The following RAB3C variants were observed in gnomAD, a reference collection of about 807,000 sequenced individuals.
The protein encoded by RAB3C is ras-related protein Rab-3C.
In RAB3C, 17 loss-of-function variants were observed where a neutral mutation model predicts 26.4. The observed-to-expected ratio is 0.64, with a 90% confidence interval of 0.44 to 0.97. The LOEUF is 0.97. RAB3C is among the 50% of genes least tolerant of loss of function. The pLI is 0.00. For synonymous variants in RAB3C, 91 were observed against 95.9 expected, an observed-to-expected ratio of 0.95 and a Z score of 0.30; for missense variants, 242 against 281.9, an observed-to-expected ratio of 0.86 and a Z score of 1.01.
chr5:58,810,372 T>TCTCTCTCG (rs1554020138), intron 3 of RAB3C, among the ~76,000 whole-genome samples: 13 of 131,982 alleles, frequency 9.8e-5, no homozygotes, highest in South Asian at 2.7e-4. Flanking sequence ...GTGCTCTCTC[T>TCTCTCTCG]CTCTCTCTCT....
intron 2 of RAB3C, among the ~76,000 whole-genome samples, chr5:58,703,506 T>A (rs1748889368): frequency 6.6e-6 from 1 of 152,178 alleles, no homozygotes; most frequent in African/African-American, 2.4e-5. Flanking sequence ...GTAATCATAT[T>A]TCTGATGAAA....
chr5:58,710,738 T>C (rs1320296219), intron 2 of RAB3C, among the ~76,000 whole-genome samples: 1 of 152,134 alleles, frequency 6.6e-6, no homozygotes, highest in Non-Finnish European at 1.5e-5. Flanking sequence ...AGGCAGCCAT[T>C]TTATCCTCCT....
intron 3 of RAB3C, among the ~76,000 whole-genome samples, chr5:58,778,231 G>A (rs909670616): frequency 1.3e-5 from 2 of 152,102 alleles, no homozygotes; most frequent in African/African-American, 4.8e-5. Context: ...CATTAGCCAA[G>A]TTAGCAGATT....
At chr5:58,757,591 G>GCACAT (rs1475832449) in intron 3 of RAB3C, among the ~76,000 whole-genome samples, 1 of 150,882 alleles carries the variant, frequency 6.6e-6, no homozygotes, top group Non-Finnish European at 1.5e-5. Flanking sequence ...ACATCTGAAA[G>GCACAT]CACATCACGT....
intron 3 of RAB3C, among the ~76,000 whole-genome samples, chr5:58,806,003 A>G (rs1160139336): frequency 6.6e-6 from 1 of 152,190 alleles, no homozygotes; most frequent in Admixed American, 6.5e-5. Flanking sequence ...TGATGGGTAG[A>G]CAGATTCTTT....
chr5:58,807,805 G>A (rs1008390343), intron 3 of RAB3C, among the ~76,000 whole-genome samples: 1 of 150,954 alleles, frequency 6.6e-6, no homozygotes, highest in Non-Finnish European at 1.5e-5. Context: ...CCATAGCACA[G>A]TGGGTACTCT....
At chr5:58,759,644 G>A (rs1214641800) in intron 3 of RAB3C, among the ~76,000 whole-genome samples, 1 of 152,198 alleles carries the variant, frequency 6.6e-6, no homozygotes, top group African/African-American at 2.4e-5. Context: ...TAGAAAGGAG[G>A]ATGGAGTGGT....
chr5:58,624,741 G>A (rs1236824361), intron 2 of RAB3C, among the ~76,000 whole-genome samples: 1 of 152,150 alleles, frequency 6.6e-6, no homozygotes, highest in South Asian at 2.1e-4. Flanking sequence ...GATGTGTGAA[G>A]ACAGTGGGAT....
chr5:58,826,778 T>C (rs966018206), intron 4 of RAB3C, among the ~76,000 whole-genome samples: 4 of 152,176 alleles, frequency 2.6e-5, no homozygotes, highest in Admixed American at 6.5e-5. Context: ...AATCTATAAT[T>C]TGAAAAACAC....
At chr5:58,582,854 T>C (rs1483791633), upstream of RAB3C, among the ~76,000 whole-genome samples, 2 of 152,174 alleles carry the variant, frequency 1.3e-5, no homozygotes, top group Admixed American at 6.5e-5. Flanking sequence ...CAGGGGAGAC[T>C]GGGAGAGGTA....
chr5:58,739,269 C>T (rs1296586778), intron 3 of RAB3C, among the ~76,000 whole-genome samples: 1 of 152,216 alleles, frequency 6.6e-6, no homozygotes, highest in Non-Finnish European at 1.5e-5. Flanking sequence ...AAGAAATATG[C>T]ACTCAATCAC....
rs536253791 is a variant in RAB3C at position 58,658,108 on chromosome 5, G to A, written c.252+40238G>A. On this transcript the variant is annotated intron_variant, in intron 2 of 4. Coordinates refer to ENST00000282878, the MANE Select transcript of RAB3C (RefSeq NM_138453.4). ...TGGGAAGAATAAAACTGCTTCATAC[G>A]TGTCTATTATGTTGCAGGTATAGTA... Among the ~76,000 whole-genome samples, 11 of 152,222 alleles carry A rather than the reference G, an allele frequency of 7.2e-5. No homozygotes were observed. In the South Asian group the frequency reaches 1.0e-3, roughly 14 times the overall value.
intron 2 of RAB3C, among the ~76,000 whole-genome samples, chr5:58,707,896 CA>C (rs1306067127): frequency 6.6e-6 from 1 of 152,076 alleles, no homozygotes; most frequent in African/African-American, 2.4e-5. Context: ...TGCTTGGTTC[CA>C]AAAGAGAAGA....
At chr5:58,601,477 A>G (rs975326555) in intron 1 of RAB3C, among the ~76,000 whole-genome samples, 2 of 151,910 alleles carry the variant, frequency 1.3e-5, no homozygotes, top group African/African-American at 4.8e-5. Context: ...CTGTTCCTGG[A>G]CTTTTTTATG....
rs116705789 is a variant in RAB3C, at chr5:58,657,108, A to G, written c.252+39238A>G. Among the ~76,000 whole-genome samples, 1,060 of 152,348 alleles carry G rather than the reference A, an allele frequency of 7.0e-3. 5 individuals carry two copies. Among genetic ancestry groups the G allele is most frequent in the African/African-American group, 0.022 (922 of 41,578 alleles). ...AGCAACCTGGATGAGATTGGACACT[A>G]TTATTCTGAGTGAAGTAACTCAGGA... On this transcript the variant is annotated intron_variant, in intron 2 of 4. Coordinates refer to ENST00000282878, the MANE Select transcript of RAB3C (RefSeq NM_138453.4).
intron 2 of RAB3C, among the ~76,000 whole-genome samples, chr5:58,696,575 A>G (rs894047103): frequency 6.6e-6 from 1 of 152,164 alleles, no homozygotes; most frequent in Non-Finnish European, 1.5e-5. Flanking sequence ...TTGGTAGGCT[A>G]TTAATTATTG....
upstream of RAB3C, chr5:58,582,382 G>A (rs1227802629): frequency 1.2e-5 from 12 of 985,208 alleles, no homozygotes; most frequent in Middle Eastern, 5.2e-4. Flanking sequence ...GAGAATTTCT[G>A]AACCTCGAGT....
chr5:58,754,722 T>C (rs2111966979), intron 3 of RAB3C, among the ~76,000 whole-genome samples: 1 of 152,328 alleles, frequency 6.6e-6, no homozygotes, highest in South Asian at 2.1e-4. Context: ...CTCTTCATAC[T>C]TTATGCTTTC....
chr5:58,712,778 GCCT>G (rs1749089877), intron 2 of RAB3C, among the ~76,000 whole-genome samples: 1 of 152,204 alleles, frequency 6.6e-6, no homozygotes, highest in African/African-American at 2.4e-5. Flanking sequence ...ACCCATCTCA[GCCT>G]CCCAAAGTGC....
Sources: allele counts gnomAD v4.1 joint callset (sites outside exome capture counted in the v4.1 genomes callset), GRCh38; gene constraint gnomAD v4.1.1; transcripts MANE v1.5; gene names NCBI Gene and HGNC (gene_info 2026-07-23, HGNC 2026-07-21).